Variants in CHRM3 observed in about 807,000 individuals in gnomAD.
CHRM3 encodes the protein muscarinic acetylcholine receptor M3.
CHRM3 carries 11 observed loss-of-function variants against 41.8 expected under a neutral mutation model. The observed-to-expected ratio is 0.26, with a 90% CI of 0.17 to 0.44. The LOEUF (loss-of-function observed/expected upper bound fraction) is 0.44, where lower values mean the gene tolerates loss of function less well. CHRM3 is among the 20% of genes least tolerant of loss of function. The probability of loss-of-function intolerance (pLI) is 1.00; values close to 1 mark genes in which losing one functional copy is unlikely to be tolerated. For missense variants in CHRM3, 571 were observed against 745.4 expected (o/e 0.77, Z 2.72); for synonymous variants, 297 against 301.4 (o/e 0.99, Z 0.15).
At chr1:239,473,621 G>C (rs1170742198) in intron 1 of CHRM3, among the ~76,000 whole-genome samples, 1 of 152,102 alleles carries the variant, frequency 6.6e-6, no homozygotes, top group African/African-American at 2.4e-5. Flanking sequence ...ATGAAAGCCA[G>C]AAACAACTCA....
intron 4 of CHRM3, among the ~76,000 whole-genome samples, chr1:239,645,724 ATAAAC>A (rs1558415673): frequency 6.6e-6 from 1 of 152,200 alleles, no homozygotes; most frequent in Non-Finnish European, 1.5e-5. Flanking sequence ...GACATCAAAA[ATAAAC>A]TAAATCTAAT....
At chr1:239,555,007 C>T (rs573144970) in intron 3 of CHRM3, among the ~76,000 whole-genome samples, 2 of 152,242 alleles carry the variant, frequency 1.3e-5, no homozygotes, top group African/African-American at 2.4e-5. Context: ...GGATTACAGG[C>T]GTAAGCCACC....
At chr1:239,821,560 C>T (rs1022108177) in intron 5 of CHRM3, among the ~76,000 whole-genome samples, 2 of 152,184 alleles carry the variant, frequency 1.3e-5, no homozygotes, top group African/African-American at 4.8e-5. Context: ...GCAGGGGCCC[C>T]AGGGGCACCA....
At chr1:239,671,055 CCAA>C (rs1558439037) in intron 4 of CHRM3, among the ~76,000 whole-genome samples, 2 of 152,136 alleles carry the variant, frequency 1.3e-5, no homozygotes, top group Non-Finnish European at 2.9e-5. Flanking sequence ...CCCGTCTCTG[CCAA>C]CATAGATGTA....
At chr1:239,514,297 A>T (rs905604512) in intron 2 of CHRM3, among the ~76,000 whole-genome samples, 10 of 151,702 alleles carry the variant, frequency 6.6e-5, no homozygotes, top group African/African-American at 2.2e-4. Context: ...TAGTTCTTTG[A>T]TTTCTTTCAT....
At chr1:239,687,980 G>T (rs754283430) in intron 5 of CHRM3, among the ~76,000 whole-genome samples, 4 of 152,094 alleles carry the variant, frequency 2.6e-5, no homozygotes, top group Non-Finnish European at 5.9e-5. Flanking sequence ...ATGGATGTAT[G>T]TTCTTACCAC....
chr1:239,734,215 G>A (rs1572131114), intron 5 of CHRM3, among the ~76,000 whole-genome samples: 2 of 152,034 alleles, frequency 1.3e-5, no homozygotes, highest in East Asian at 3.9e-4. Flanking sequence ...TTGGAGAGAT[G>A]ACAGACTCCA....
intron 5 of CHRM3, among the ~76,000 whole-genome samples, chr1:239,809,107 C>T (rs1670904800): frequency 6.6e-6 from 1 of 151,280 alleles, no homozygotes; most frequent in Non-Finnish European, 1.5e-5. Flanking sequence ...GCAAGCTCCG[C>T]CTCCCGGGTT....
chr1:239,751,959 G>A (rs80229048), intron 5 of CHRM3, among the ~76,000 whole-genome samples: 5,465 of 152,214 alleles, frequency 0.036, 152 homozygotes, highest in Admixed American at 0.062. Context: ...GACTACATAC[G>A]GGATAGGGAA....
At chr1:239,645,276 G>C (rs1443478709) in intron 4 of CHRM3, among the ~76,000 whole-genome samples, 2 of 152,176 alleles carry the variant, frequency 1.3e-5, no homozygotes, top group Non-Finnish European at 2.9e-5. Flanking sequence ...TGAGGGTACT[G>C]GCTTCTCTCT....
chr1:239,566,427 C>T (rs778800651), intron 3 of CHRM3, among the ~76,000 whole-genome samples: 1 of 152,126 alleles, frequency 6.6e-6, no homozygotes, highest in Non-Finnish European at 1.5e-5. Flanking sequence ...ATATTAGTTC[C>T]TTAAGTGGCA....
At chr1:239,893,744 A>G (rs1678746063) in intron 6 of CHRM3, among the ~76,000 whole-genome samples, 2 of 152,070 alleles carry the variant, frequency 1.3e-5, no homozygotes, top group African/African-American at 4.8e-5. Flanking sequence ...AAAAAAAAAA[A>G]AAAAAAAAGA....
intron 6 of CHRM3, among the ~76,000 whole-genome samples, chr1:239,852,286 G>T (rs1674757482): frequency 6.6e-6 from 1 of 152,152 alleles, no homozygotes; most frequent in African/African-American, 2.4e-5. Context: ...ATTTGAAAAA[G>T]CAGTGTATTA....
At chr1:239,418,701 A>G (rs73114769) in intron 1 of CHRM3, among the ~76,000 whole-genome samples, 386 of 152,334 alleles carry the variant, frequency 2.5e-3, no homozygotes, top group African/African-American at 9.0e-3. Flanking sequence ...AAACATTTCA[A>G]TGCATTCTCT....
At chr1:239,575,007 A>T (rs1662198472) in intron 3 of CHRM3, among the ~76,000 whole-genome samples, 1 of 152,212 alleles carries the variant, frequency 6.6e-6, no homozygotes, top group Non-Finnish European at 1.5e-5. Context: ...CATTTCAAGA[A>T]TTACTAATGC....
chr1:239,635,696 C>T (rs537500084), intron 4 of CHRM3, among the ~76,000 whole-genome samples: 3 of 152,268 alleles, frequency 2.0e-5, no homozygotes, highest in South Asian at 2.1e-4. Context: ...CGAATTCTGT[C>T]GCACCTGTTT....
chr1:239,621,649 G>A (rs1352737340), intron 3 of CHRM3, among the ~76,000 whole-genome samples: 2 of 152,196 alleles, frequency 1.3e-5, no homozygotes, highest in South Asian at 2.1e-4. Context: ...TTAATCCATA[G>A]CCTCATCTAG....
At chr1:239,392,568 C>G (rs1206550927) in intron 1 of CHRM3, among the ~76,000 whole-genome samples, 1 of 152,132 alleles carries the variant, frequency 6.6e-6, no homozygotes, top group Non-Finnish European at 1.5e-5. Flanking sequence ...AGATAAAATT[C>G]AGGTGAGTTT....
chr1:239,599,934 G>T (rs987598624), intron 3 of CHRM3, among the ~76,000 whole-genome samples: 2 of 151,986 alleles, frequency 1.3e-5, no homozygotes, highest in Non-Finnish European at 2.9e-5. Context: ...CTAAGTCAGG[G>T]ATCATCTATA....
Sources: allele counts gnomAD v4.1 joint callset (sites outside exome capture counted in the v4.1 genomes callset), GRCh38; gene constraint gnomAD v4.1.1; transcripts MANE v1.5; gene names NCBI Gene and HGNC (gene_info 2026-07-23, HGNC 2026-07-21).